The following EML4 variants were observed in gnomAD, a reference collection of about 807,000 sequenced individuals.
The protein encoded by EML4 is echinoderm microtubule-associated protein-like 4.
In EML4, 72 loss-of-function variants were observed where a neutral mutation model predicts 129.0. That is an observed-to-expected ratio of 0.56 (90% confidence interval 0.46 to 0.68). EML4 has a LOEUF of 0.68. Among genes scored for constraint, EML4 ranks in the 30% least tolerant of loss-of-function variants. The probability of loss-of-function intolerance (pLI) is 0.00; values close to 1 mark genes in which losing one functional copy is unlikely to be tolerated. For missense variants in EML4, 1,363 were observed against 1,190.6 expected, an observed-to-expected ratio of 1.14 and a Z score of -2.13; for synonymous variants, 532 against 405.0, an observed-to-expected ratio of 1.31 and a Z score of -3.77.
chr2:42,296,349 T>C (rs938458475), intron 13 of EML4, among the ~76,000 whole-genome samples: 1 of 151,964 alleles, frequency 6.6e-6, no homozygotes, highest in African/African-American at 2.4e-5. Context: ...AAAAAAAAAG[T>C]AAGAAAGGAG....
In EML4 at chr2:42,234,544, C is replaced by G. The variant is rs565050644; in HGVS notation, c.26-10961C>G. On this transcript the variant is annotated intron_variant, in intron 1 of 22. Coordinates refer to ENST00000318522, the MANE Select transcript of EML4 (RefSeq NM_019063.5). ...GAAGTCTGAGGACTTGGGAATGAAT[C>G]TAGATTCCTTGCTCCCTCCATTAGC... Among the ~76,000 whole-genome samples the G allele has an allele frequency of 3.9e-5, 6 of 152,324 alleles. No individual in the cohort carries two copies. In the East Asian group the frequency reaches 1.2e-3, roughly 29 times the overall value.
chr2:42,261,752 G>C (rs1361851660), intron 4 of EML4, among the ~76,000 whole-genome samples: 1 of 152,166 alleles, frequency 6.6e-6, no homozygotes, highest in Non-Finnish European at 1.5e-5. Context: ...CTGCATCTCA[G>C]TTTCAGTTTT....
intron 1 of EML4, among the ~76,000 whole-genome samples, chr2:42,212,043 G>C (rs1672915740): frequency 6.6e-6 from 1 of 151,926 alleles, no homozygotes; most frequent in East Asian, 1.9e-4. Context: ...ATGGGGTTTT[G>C]CCATGTTGAC....
chr2:42,247,665 T>TTATG (rs1675501283), intron 2 of EML4, among the ~76,000 whole-genome samples: 1 of 151,502 alleles, frequency 6.6e-6, no homozygotes, highest in African/African-American at 2.4e-5. Flanking sequence ...CTTGCTTGAT[T>TTATG]TATTTATTTA....
chr2:42,291,768 A>AT (rs765530148), intron 11 of EML4, among the ~76,000 whole-genome samples: 34 of 152,192 alleles, frequency 2.2e-4, no homozygotes, highest in Admixed American at 5.2e-4. Flanking sequence ...CAAAACACTC[A>AT]TATTCTGAAT....
chr2:42,234,253 A>G (rs1017715215), intron 1 of EML4, among the ~76,000 whole-genome samples: 6 of 152,252 alleles, frequency 3.9e-5, no homozygotes, highest in Non-Finnish European at 7.3e-5. Context: ...GTGGTAGGCC[A>G]TCTGGACTGA....
At chr2:42,179,721 G>A (rs1040602511) in intron 1 of EML4, among the ~76,000 whole-genome samples, 1 of 152,184 alleles carries the variant, frequency 6.6e-6, no homozygotes, top group African/African-American at 2.4e-5. Context: ...TCCTGCCTCA[G>A]CCTCCCGAGT....
chr2:42,317,496 G>A lies in EML4; in HGVS notation c.2126G>A (p.Arg709Lys). The A allele has an allele frequency of 6.2e-7, 1 of 1,611,860 alleles. No individual in the cohort carries two copies. Among genetic ancestry groups the A allele is most frequent in the Non-Finnish European group, 8.5e-7 (1 of 1,178,600 alleles). Reference sequence around the variant, plus strand: ...CTCTATGTAGTCTCTGAAAATGGAAGAAAATATAGCAGATATGGAAGGTGC... The same window carrying A: ...CTCTATGTAGTCTCTGAAAATGGAAAAAAATATAGCAGATATGGAAGGTGC... ...IYLYVVSENG[R>K]KYSRYGRCTG... The change falls in exon 19 of 23, where the codon AGA becomes AAA. Residue 709 changes from arginine to lysine, a missense_variant. Physicochemically the swap from Arg to Lys is conservative, Grantham distance 26. Coordinates refer to ENST00000318522, the MANE Select transcript of EML4 (RefSeq NM_019063.5).
At chr2:42,227,545 C>T (rs1443640275) in intron 1 of EML4, among the ~76,000 whole-genome samples, 1 of 149,742 alleles carries the variant, frequency 6.7e-6, no homozygotes, top group Admixed American at 6.7e-5. Context: ...GGTCCAGCAA[C>T]TCAATTTTGT....
At chr2:42,216,786 C>G (rs1201800996) in intron 1 of EML4, among the ~76,000 whole-genome samples, 1 of 152,130 alleles carries the variant, frequency 6.6e-6, no homozygotes, top group Non-Finnish European at 1.5e-5. Context: ...GAGTTGCTTT[C>G]TTTGCAATGG....
At chr2:42,273,374 A>T (rs554959381) in intron 6 of EML4, among the ~76,000 whole-genome samples, 1 of 152,144 alleles carries the variant, frequency 6.6e-6, no homozygotes, top group East Asian at 1.9e-4. Context: ...GCTTAAGCAA[A>T]CTCATGTCTG....
intron 1 of EML4, among the ~76,000 whole-genome samples, chr2:42,221,653 G>T (rs935354013): frequency 6.6e-6 from 1 of 151,844 alleles, no homozygotes; most frequent in East Asian, 1.9e-4. Context: ...GCCCAAGCTG[G>T]AATGCAGTGG....
intron 1 of EML4, among the ~76,000 whole-genome samples, chr2:42,190,996 C>T (rs890358714): frequency 5.3e-5 from 8 of 152,144 alleles, no homozygotes; most frequent in Non-Finnish European, 1.2e-4. Flanking sequence ...TTTGCAGGCC[C>T]CTGGTCTTGT....
intron 1 of EML4, among the ~76,000 whole-genome samples, chr2:42,172,431 G>A (rs1670336172): frequency 6.6e-6 from 1 of 152,164 alleles, no homozygotes; most frequent in South Asian, 2.1e-4. Flanking sequence ...GGAATGATAA[G>A]TGATTGGCCA....
chr2:42,274,548 C>T (rs945364566), intron 6 of EML4, among the ~76,000 whole-genome samples: 3 of 152,188 alleles, frequency 2.0e-5, no homozygotes, highest in African/African-American at 2.4e-5. Flanking sequence ...CTCCCTTCTC[C>T]ACTCTGCCTG....
At chr2:42,184,588 T>C (rs1027858120) in intron 1 of EML4, among the ~76,000 whole-genome samples, 1 of 152,164 alleles carries the variant, frequency 6.6e-6, no homozygotes, top group African/African-American at 2.4e-5. Flanking sequence ...CTTTTCTTGC[T>C]TAGTTTTTTG....
At chr2:42,304,831 A>G (rs867711531) in intron 17 of EML4, among the ~76,000 whole-genome samples, 7 of 152,324 alleles carry the variant, frequency 4.6e-5, no homozygotes, top group South Asian at 2.1e-4. Context: ...GGGACAGAAT[A>G]AAAAATAAGC....
At chr2:42,213,769 A>G (rs1425894083) in intron 1 of EML4, among the ~76,000 whole-genome samples, 2 of 152,250 alleles carry the variant, frequency 1.3e-5, no homozygotes, top group Non-Finnish European at 2.9e-5. Context: ...TTTTAGGTCT[A>G]GGAAAGATAC....
At chr2:42,174,852 C>A (rs1044602234) in intron 1 of EML4, among the ~76,000 whole-genome samples, 6 of 151,822 alleles carry the variant, frequency 4.0e-5, no homozygotes, top group African/African-American at 1.5e-4. Context: ...GAGTCTTGCT[C>A]TGTTGCCCAG....
Sources: allele counts gnomAD v4.1 joint callset (sites outside exome capture counted in the v4.1 genomes callset), GRCh38; gene constraint gnomAD v4.1.1; transcripts MANE v1.5; gene names NCBI Gene and HGNC (gene_info 2026-07-23, HGNC 2026-07-21).